Variants in SEC31A observed in about 807,000 individuals in gnomAD.
SEC31A encodes the protein SEC31 homolog A, COPII component, also known as protein transport protein Sec31A.
Under a neutral mutation model 151.0 loss-of-function variants are expected in SEC31A, and 70 were observed. The ratio of observed to expected loss-of-function variants is 0.46; its 90% CI spans 0.38 to 0.57. SEC31A has a LOEUF of 0.57. Ranked by LOEUF, SEC31A falls within the 20% of genes least tolerant of loss-of-function variation. The pLI is 0.00. For synonymous variants in SEC31A, 475 were observed against 505.9 expected (o/e 0.94, Z 0.82); for missense variants, 1,330 against 1,471.2 (o/e 0.90, Z 1.57).
At chr4:82,830,720 AACAG>A (rs1268339079) in intron 22 of SEC31A, among the ~76,000 whole-genome samples, 3 of 152,340 alleles carry the variant, frequency 2.0e-5, no homozygotes, top group Admixed American at 6.5e-5. Flanking sequence ...GTCTATATAA[AACAG>A]ACAGCCTTTA....
chr4:82,819,035 G>T lies in SEC31A; in HGVS notation c.*39C>A. 6.6e-7 allele frequency: 1 copy of T among 1,526,386 alleles called. No homozygotes were observed. Among genetic ancestry groups the T allele is most frequent in the Non-Finnish European group, 8.8e-7 (1 of 1,133,444 alleles). The allele number at this position is 1,526,386 out of a possible 1,614,324, so 94.6% of individuals were successfully genotyped here. On this transcript the variant is annotated 3_prime_UTR_variant, in exon 27 of 27. Transcript: ENST00000395310. ...ATTTTTTTTTTTAACATGTTTCTTT[G>T]GAAAAATGGCAATATTGAGTGGAAG...
At chr4:82,885,513 T>C (rs138130107) in intron 1 of SEC31A, among the ~76,000 whole-genome samples, 3 of 152,316 alleles carry the variant, frequency 2.0e-5, no homozygotes, top group African/African-American at 7.2e-5. Flanking sequence ...CTCCCTACTA[T>C]GAGCACTTAT....
In SEC31A at chr4:82,859,076, C is replaced by A. The variant is rs113588492; in HGVS notation, c.1627-1312G>T. On this transcript the variant is annotated intron_variant, in intron 14 of 26. Transcript: ENST00000395310. The stretch of plus-strand genomic sequence containing the variant: ...CTTTTACACATCTAAGAATTCCTGT[C>A]CACTGGATTTGATTATAAAGTGTTT... 5.2e-3 allele frequency among the ~76,000 whole-genome samples: 786 copies of A among 151,732 alleles called. 5 individuals carry two copies. Among genetic ancestry groups the A allele is most frequent in the African/African-American group, 0.019 (765 of 41,344 alleles).
chr4:82,846,110 T>C (rs1730086866), intron 20 of SEC31A, among the ~76,000 whole-genome samples: 1 of 151,968 alleles, frequency 6.6e-6, no homozygotes, highest in Admixed American at 6.6e-5. Flanking sequence ...TTCATGCCAT[T>C]CTCCTGCCTC....
intron 10 of SEC31A, among the ~76,000 whole-genome samples, chr4:82,865,536 G>A (rs1000915784): frequency 4.4e-5 from 6 of 137,156 alleles, no homozygotes; most frequent in Non-Finnish European, 9.4e-5. Context: ...AAAAAATGTG[G>A]TATATATATA....
chr4:82,873,864 C>T (rs915076330), intron 6 of SEC31A, among the ~76,000 whole-genome samples: 1 of 151,868 alleles, frequency 6.6e-6, no homozygotes, highest in East Asian at 1.9e-4. Context: ...GGGTAAGTGC[C>T]GAAAATATAT....
chr4:82,843,190 G>A (rs955375872), intron 21 of SEC31A, among the ~76,000 whole-genome samples: 1 of 151,404 alleles, frequency 6.6e-6, no homozygotes, highest in African/African-American at 2.4e-5. Flanking sequence ...GAGTGCAATG[G>A]TGTGATCGTA....
intron 1 of SEC31A, chr4:82,890,667 T>G: frequency 1.2e-6 from 1 of 840,050 alleles, no homozygotes; most frequent in Non-Finnish European, 1.4e-6. Flanking sequence ...AATCTGGCAA[T>G]AGTTCAAGTA....
intron 1 of SEC31A, among the ~76,000 whole-genome samples, chr4:82,888,369 A>G (rs1213248888): frequency 3.4e-4 from 2 of 5,926 alleles, no homozygotes; most frequent in African/African-American, 1.8e-3. Flanking sequence ...AAAAAAAAAA[A>G]AAAACACACA....
chr4:82,899,780 T>G (rs1193327315), intron 2 of SEC31A: 2 of 152,664 alleles, frequency 1.3e-5, no homozygotes, highest in African/African-American at 4.8e-5. Context: ...GCAATCTTGT[T>G]AGGCCTGGAT....
At chr4:82,868,191 A>G (rs1735819242) in intron 8 of SEC31A, among the ~76,000 whole-genome samples, 1 of 152,190 alleles carries the variant, frequency 6.6e-6, no homozygotes, top group African/African-American at 2.4e-5. Flanking sequence ...TGACAGAGAA[A>G]GAACTATAGA....
At chr4:82,892,746 G>C (rs144388460), upstream of SEC31A, among the ~76,000 whole-genome samples, 11 of 151,968 alleles carry the variant, frequency 7.2e-5, no homozygotes, top group Non-Finnish European at 1.6e-4. Context: ...TGGGGGGGGG[G>C]GCACAATGAT....
intron 25 of SEC31A, among the ~76,000 whole-genome samples, chr4:82,822,121 T>C (rs552439404): frequency 1.2e-4 from 19 of 152,268 alleles, no homozygotes; most frequent in Non-Finnish European, 1.8e-4. Flanking sequence ...CTTAATGTTC[T>C]ACATTATACC....
chr4:82,828,106 G>A (rs1387543116), intron 23 of SEC31A, among the ~76,000 whole-genome samples: 3 of 152,054 alleles, frequency 2.0e-5, no homozygotes, highest in Non-Finnish European at 4.4e-5. Context: ...GTAGAGATGG[G>A]GTTTGACCAT....
At chr4:82,896,658 G>A (rs925014809) in intron 3 of SEC31A, among the ~76,000 whole-genome samples, 3 of 152,130 alleles carry the variant, frequency 2.0e-5, no homozygotes, top group African/African-American at 4.8e-5. Context: ...ACTTAGAGAA[G>A]CTAATTGGAA....
At chr4:82,859,918 A>G (rs1473714666) in intron 14 of SEC31A, among the ~76,000 whole-genome samples, 1 of 151,972 alleles carries the variant, frequency 6.6e-6, no homozygotes, top group Non-Finnish European at 1.5e-5. Flanking sequence ...CAGCCTCCCA[A>G]GTAGCTGGGA....
At chr4:82,836,578 C>A (rs1261926967) in intron 22 of SEC31A, among the ~76,000 whole-genome samples, 1 of 151,926 alleles carries the variant, frequency 6.6e-6, no homozygotes, top group Non-Finnish European at 1.5e-5. Context: ...ATAGATGAAC[C>A]TGGAAGACAT....
Position 82,857,074 on chromosome 4 carries a change from C to G in SEC31A, c.1759G>C (p.Asp587His), listed in dbSNP as rs1050517054. 1 of 1,613,734 alleles carries G rather than the reference C, an allele frequency of 6.2e-7. No individual in the cohort carries two copies. The highest frequency in any genetic ancestry group is 1.3e-5 in the African/African-American group (1 of 74,898). The change falls in exon 16 of 27, where the codon GAC (aspartate) becomes CAC (histidine). Residue 587 changes from aspartate to histidine, a missense_variant. Coordinates refer to ENST00000395310, the MANE Select transcript of SEC31A (RefSeq NM_001077207.4). ...LLTGNFESAV[D>H]LCLHDNRMAD... The stretch of plus-strand genomic sequence containing the variant: ...ATGCGGTTATCATGTAAACAAAGGT[C>G]AACAGCACTCTCAAAATTGCCCGTC...
intron 20 of SEC31A, among the ~76,000 whole-genome samples, chr4:82,848,269 C>A (rs1730665589): frequency 6.7e-6 from 1 of 148,908 alleles, no homozygotes; most frequent in Non-Finnish European, 1.5e-5. Context: ...TCTAAAATTT[C>A]ACAAACCTTT....
Sources: allele counts gnomAD v4.1 joint callset (sites outside exome capture counted in the v4.1 genomes callset), GRCh38; gene constraint gnomAD v4.1.1; transcripts MANE v1.5; gene names NCBI Gene and HGNC (gene_info 2026-07-23, HGNC 2026-07-21).